Variants in RGS3 observed in about 807,000 individuals in gnomAD.
The protein encoded by RGS3 is regulator of G-protein signalling 3.
In RGS3, 80 loss-of-function variants were observed where a neutral mutation model predicts 132.6. The ratio of observed to expected loss-of-function variants is 0.60; its 90% CI spans 0.50 to 0.73. RGS3 has a LOEUF of 0.73. Ranked by LOEUF, RGS3 falls within the 30% of genes least tolerant of loss-of-function variation. RGS3 has a pLI of 0.00. For synonymous variants in RGS3, 598 were observed against 620.6 expected, an observed-to-expected ratio of 0.96 and a Z score of 0.54; for missense variants, 1,382 against 1,530.8, an observed-to-expected ratio of 0.90 and a Z score of 1.62.
At chr9:113,586,471 C>T (rs541339992) in intron 20 of RGS3, among the ~76,000 whole-genome samples, 1 of 152,384 alleles carries the variant, frequency 6.6e-6, no homozygotes, top group Non-Finnish European at 1.5e-5. Flanking sequence ...CCAGCTCTCT[C>T]TTGTCTCAGC....
At chr9:113,502,177 C>A (rs552528597) in intron 10 of RGS3, among the ~76,000 whole-genome samples, 1 of 152,130 alleles carries the variant, frequency 6.6e-6, no homozygotes, top group Non-Finnish European at 1.5e-5. Flanking sequence ...TCTTAGCCTC[C>A]GGTCTTAGAA....
At chr9:113,493,854 G>A (rs1275070330) in intron 7 of RGS3, among the ~76,000 whole-genome samples, 1 of 152,178 alleles carries the variant, frequency 6.6e-6, no homozygotes, top group Non-Finnish European at 1.5e-5. Context: ...TAGAACCACT[G>A]CTCTAGCTCA....
At chr9:113,461,289 C>T (rs1829465620) in intron 1 of RGS3, among the ~76,000 whole-genome samples, 1 of 152,088 alleles carries the variant, frequency 6.6e-6, no homozygotes, top group Non-Finnish European at 1.5e-5. Flanking sequence ...GTGAGAAAGC[C>T]AGGCTTGGTC....
intron 7 of RGS3, among the ~76,000 whole-genome samples, chr9:113,486,337 A>G (rs561560821): frequency 6.6e-6 from 1 of 152,374 alleles, no homozygotes; most frequent in Non-Finnish European, 1.5e-5. Context: ...AAGCATGAGC[A>G]AAGGCAAGGA....
Position 113,463,984 on chromosome 9 carries a change from C to T in RGS3, c.415+1783C>T. On this transcript the variant is annotated intron_variant, in intron 3 of 24. Coordinates refer to ENST00000350696, the Ensembl canonical transcript of RGS3. The surrounding 1 kb of genome is among the most constrained non-coding windows in gnomAD (Gnocchi z 4.6). ...ACAGGGGAGGCTGGGAGCAGGTGCT[C>T]TTTCTATCTAGGGGCACCTTCTCTG... The T allele has an allele frequency of 7.9e-7, 1 of 1,261,986 alleles. No individual in the cohort carries two copies. Among genetic ancestry groups the T allele is most frequent in the South Asian group, 1.4e-5 (1 of 73,322 alleles). 78.2% of individuals were successfully genotyped at this position (1,261,986 alleles called of 1,614,324 possible). A position where few individuals can be genotyped will look rare whatever the true frequency, so the allele number is the denominator to read the frequency against.
At position 113,485,682 on chromosome 9, in the gene RGS3, C is replaced by A. The variant is rs757332510; in HGVS notation, c.678C>A (p.Ala226=). 9 of 1,590,394 alleles carry A rather than the reference C, an allele frequency of 5.7e-6. No homozygotes were observed. In the Admixed American group the frequency reaches 1.6e-4, roughly 29 times the overall value. The change falls in exon 7 of 25, where the codon GCC becomes GCA. Residue 226 remains alanine (A), a synonymous_variant. Coordinates refer to ENST00000350696, the Ensembl canonical transcript of RGS3. ...TCTTGGTTACTGTGTGGAACAGGGCCAGCCAGTCCAGGTGAGGAGAGCTGC... is the reference window on the plus strand; with the variant it reads ...TCTTGGTTACTGTGTGGAACAGGGCAAGCCAGTCCAGGTGAGGAGAGCTGC...
At chr9:113,485,039 G>T (rs551702880) in intron 6 of RGS3, among the ~76,000 whole-genome samples, 1 of 151,496 alleles carries the variant, frequency 6.6e-6, no homozygotes, top group South Asian at 2.1e-4. Context: ...GTGTGGGTGT[G>T]TATGTTTGCA....
At chr9:113,508,727 G>T in intron 14 of RGS3, 147 bp downstream of exon 12, 1 of 739,426 alleles carries the variant, frequency 1.4e-6, no homozygotes, top group South Asian at 1.6e-5. Flanking sequence ...CTCTTTCCAC[G>T]TGGTACCTTT....
At chr9:113,525,573 T>C (rs1564527169) in intron 17 of RGS3, among the ~76,000 whole-genome samples, 2 of 152,188 alleles carry the variant, frequency 1.3e-5, no homozygotes, top group South Asian at 2.1e-4. Flanking sequence ...GACTCCTAGG[T>C]TTCTTATTTG....
intron 3 of RGS3, among the ~76,000 whole-genome samples, chr9:113,476,802 G>A (rs1655470019): frequency 1.3e-5 from 2 of 152,238 alleles, no homozygotes; most frequent in Non-Finnish European, 2.9e-5. Context: ...GTGACCATTT[G>A]TGTCTGGAGA....
intron 19 of RGS3, among the ~76,000 whole-genome samples, chr9:113,580,044 G>A (rs764062324): frequency 2.0e-5 from 3 of 152,112 alleles, no homozygotes; most frequent in African/African-American, 7.2e-5. Context: ...TTGCTCCGGA[G>A]CTCCCGTCAA....
At position 113,591,628 on chromosome 9, in the gene RGS3, G is replaced by A; in HGVS notation, c.3080+231G>A. ...GAGGCAAAGTGCTGATTCAGTACCC[G>A]GAAGCCACAGTGAACCAGAAGCAAC... On this transcript the variant is annotated intron_variant, in intron 21 of 24. Coordinates refer to ENST00000350696, the Ensembl canonical transcript of RGS3. The surrounding 1 kb of genome is among the most constrained non-coding windows in gnomAD (Gnocchi z 4.4). 5 of 518,184 alleles carry A rather than the reference G, an allele frequency of 9.6e-6. No homozygotes were observed. Among genetic ancestry groups the A allele is most frequent in the South Asian group, 9.0e-5 (4 of 44,234 alleles). 32.1% of individuals were successfully genotyped at this position (518,184 alleles called of 1,614,324 possible). A position where few individuals can be genotyped will look rare whatever the true frequency, so the allele number is the denominator to read the frequency against.
chr9:113,538,921 G>A (rs186663079), intron 19 of RGS3, among the ~76,000 whole-genome samples: 2 of 152,330 alleles, frequency 1.3e-5, no homozygotes, highest in Admixed American at 6.5e-5. Flanking sequence ...TGATGTAGCT[G>A]TCTTTTGTCA....
intron 19 of RGS3, among the ~76,000 whole-genome samples, chr9:113,571,655 C>T (rs938676079): frequency 6.6e-6 from 1 of 152,154 alleles, no homozygotes; most frequent in African/African-American, 2.4e-5. Context: ...TCTCTTCCCA[C>T]TCTGGGATTT....
intron 19 of RGS3, among the ~76,000 whole-genome samples, chr9:113,567,993 G>C (rs1016697196): frequency 2.0e-5 from 3 of 152,258 alleles, no homozygotes; most frequent in Non-Finnish European, 4.4e-5. Flanking sequence ...GGAGATGGCA[G>C]TCTCTTTGCC....
Position 113,537,067 on chromosome 9 carries a change from C to T in RGS3, c.2037+149C>T, listed in dbSNP as rs1032823395. The T allele has an allele frequency of 1.6e-5, 11 of 693,868 alleles. No homozygotes were observed. Among genetic ancestry groups the T allele is most frequent in the Admixed American group, 2.7e-5 (1 of 37,604 alleles). 43.0% of individuals were successfully genotyped at this position (693,868 alleles called of 1,614,324 possible). A position where few individuals can be genotyped will look rare whatever the true frequency, so the allele number is the denominator to read the frequency against. Reference sequence around the variant, plus strand: ...CTCTTGGCAAGCGGGGACCTGTGCCCGAATGTCTCTCCCCCTTGGCATGTC... The same window carrying T: ...CTCTTGGCAAGCGGGGACCTGTGCCTGAATGTCTCTCCCCCTTGGCATGTC... On this transcript the variant is annotated intron_variant, in intron 19 of 24. Transcript: ENST00000350696. This position sits in a 1 kb window ranked among gnomAD's most constrained non-coding sequence, Gnocchi z 4.3.
chr9:113,491,393 G>A (rs1422479678), intron 7 of RGS3, among the ~76,000 whole-genome samples: 1 of 151,604 alleles, frequency 6.6e-6, no homozygotes, highest in Non-Finnish European at 1.5e-5. Context: ...GCACTCTGCA[G>A]GCGCATGCCA....
At chr9:113,503,845 G>A (rs549620475) in intron 10 of RGS3, among the ~76,000 whole-genome samples, 126 of 152,252 alleles carry the variant, frequency 8.3e-4, no homozygotes, top group Middle Eastern at 3.4e-3. Flanking sequence ...GGCGGGCCCG[G>A]CAACTAGTGG....
At chr9:113,505,280 G>A (rs1564498220) in intron 10 of RGS3, 162 bp from the exon 9 acceptor site, 3 of 628,174 alleles carry the variant, frequency 4.8e-6, no homozygotes, top group East Asian at 5.5e-5. Context: ...AGTTGTCTGG[G>A]CTGAGATAGG....
Sources: gnomAD v4.1 joint callset for allele counts (sites outside exome capture counted in the v4.1 genomes callset) on GRCh38, gnomAD v4.1.1 for gene constraint, Gnocchi (gnomAD v3.1) non-coding constraint, MANE v1.5 for transcripts, NCBI Gene and HGNC (gene_info 2026-07-23, HGNC 2026-07-21) for gene names.